The following KIF27 variants were observed in gnomAD, a reference collection of about 807,000 sequenced individuals.
KIF27 encodes the protein kinesin family member 27, also known as kinesin-like protein KIF27.
Under a neutral mutation model 141.8 loss-of-function variants are expected in KIF27, and 84 were observed. The observed-to-expected ratio is 0.59, with a 90% CI of 0.50 to 0.71. The LOEUF (loss-of-function observed/expected upper bound fraction) is 0.71. Among genes scored for constraint, KIF27 ranks in the 30% least tolerant of loss-of-function variants. KIF27 has a pLI of 0.00. For missense variants in KIF27, 1,306 were observed against 1,628.4 expected (o/e 0.80, Z 3.41); for synonymous variants, 471 against 569.5 (o/e 0.83, Z 2.46).
intron 15 of KIF27, among the ~76,000 whole-genome samples, chr9:83,851,844 C>A (rs1460618940): frequency 6.6e-6 from 1 of 152,116 alleles, no homozygotes; most frequent in African/African-American, 2.4e-5. Flanking sequence ...AAGAGTAGCA[C>A]AAGGGCCAGG....
chr9:83,842,942 C>G (rs1182194730), intron 16 of KIF27, among the ~76,000 whole-genome samples: 1 of 152,102 alleles, frequency 6.6e-6, no homozygotes, highest in African/African-American at 2.4e-5. Flanking sequence ...CCCTACCAAC[C>G]CTCACACTTT....
At chr9:83,916,614 T>TA (rs1371720100) in intron 1 of KIF27, among the ~76,000 whole-genome samples, 4 of 151,838 alleles carry the variant, frequency 2.6e-5, no homozygotes, top group African/African-American at 9.7e-5. Flanking sequence ...GTTTCCTGGC[T>TA]AAAAATATAT....
At chr9:83,900,028 C>T (rs989287956) in intron 4 of KIF27, among the ~76,000 whole-genome samples, 10 of 152,140 alleles carry the variant, frequency 6.6e-5, no homozygotes, top group African/African-American at 2.4e-4. Context: ...AGAAGATTTT[C>T]CTGATTTTTA....
chr9:83,888,556 A>T lies in KIF27; in HGVS notation c.2016T>A (p.Ser672=). 6.3e-7 allele frequency: 1 copy of T among 1,599,872 alleles called. No individual in the cohort carries two copies. The highest frequency in any genetic ancestry group is 8.5e-7 in the Non-Finnish European group (1 of 1,172,420). ...CACTCAATTCAACAAGGGAACAAACAGAGTCTGGCTTCTGAATCCATGAAC... is the reference window on the plus strand; with the variant it reads ...CACTCAATTCAACAAGGGAACAAACTGAGTCTGGCTTCTGAATCCATGAAC... ...RSRSWIQKPD[S]VCSLVELSDT... is the part of the protein sequence containing the mutation. The change falls in exon 8 of 18, where the codon TCT becomes TCA. Residue 672 remains serine (S), a synonymous_variant. Transcript: ENST00000297814.
At chr9:83,872,937 A>G (rs1236292241) in intron 11 of KIF27, among the ~76,000 whole-genome samples, 1 of 152,188 alleles carries the variant, frequency 6.6e-6, no homozygotes. Flanking sequence ...GCAGAGAGGT[A>G]CGATTAGGAA....
chr9:83,858,628 G>GTAAC (rs1257346690), intron 14 of KIF27: 2 of 153,054 alleles, frequency 1.3e-5, no homozygotes, highest in African/African-American at 2.4e-5. Context: ...TAAAAAAACT[G>GTAAC]TATAACTAAA....
At chr9:83,870,757 C>A in intron 11 of KIF27, 125 bp from the exon 12 acceptor site, 12 of 1,414,022 alleles carry the variant, frequency 8.5e-6, no homozygotes, top group Non-Finnish European at 1.1e-5. Flanking sequence ...GTCACCCAGG[C>A]TGGAGTGCAG....
intron 2 of KIF27, among the ~76,000 whole-genome samples, chr9:83,910,453 T>A (rs1955030855): frequency 1.3e-5 from 2 of 152,118 alleles, no homozygotes; most frequent in Admixed American, 6.6e-5. Context: ...GAATGCTTTT[T>A]AAAAAAAATT....
Position 83,889,460 on chromosome 9 carries a change from C to T in KIF27, c.1810-207G>A, listed in dbSNP as rs2780179. Among the ~76,000 whole-genome samples the T allele has an allele frequency of 1.9e-3, 293 of 152,172 alleles. 2 individuals carry two copies. The highest frequency in any genetic ancestry group is 6.2e-3 in the African/African-American group (257 of 41,456). ...ACAGACAAATACTTCTTTCAGAATC[C>T]ACACAGCTCCTTCTCTTCTGGACAA... On this transcript the variant is annotated intron_variant, in intron 6 of 17. Transcript: ENST00000297814.
chr9:83,904,046 G>A (rs753009298), intron 3 of KIF27, 28 bp from the exon 4 acceptor site: 13 of 1,536,196 alleles, frequency 8.5e-6, no homozygotes, highest in Non-Finnish European at 1.1e-5. Flanking sequence ...ATGTTTTTAA[G>A]CCAAGTTTTC....
chr9:83,915,215 T>C, intron 2 of KIF27, 79 bp downstream of exon 2: 3 of 1,161,824 alleles, frequency 2.6e-6, no homozygotes, highest in Non-Finnish European at 1.2e-6. Flanking sequence ...GCTAAACACC[T>C]ACCATGTGTC....
intron 17 of KIF27, among the ~76,000 whole-genome samples, chr9:83,839,778 A>C (rs1471240256): frequency 6.6e-6 from 1 of 152,040 alleles, no homozygotes; most frequent in Non-Finnish European, 1.5e-5. Context: ...CATGGTCTCT[A>C]CTAAAAATAC....
chr9:83,888,941 T>G, intron 7 of KIF27, 143 bp downstream of exon 7: 1 of 888,014 alleles, frequency 1.1e-6, no homozygotes, highest in South Asian at 2.6e-5. Context: ...TCATAACACA[T>G]TAGATGATAG....
At position 83,904,038 on chromosome 9, in the gene KIF27, GT is replaced by G; in HGVS notation, c.500-21del. The G allele has an allele frequency of 6.5e-7, 1 of 1,547,318 alleles. No homozygotes were observed. Among genetic ancestry groups the G allele is most frequent in the Non-Finnish European group, 8.7e-7 (1 of 1,143,960 alleles). ...CAATCACTTAAAATAGTAATAACAT[GT>G]TTTTAAGCCAAGTTTTCATCAAAAC... On this transcript the variant is annotated intron_variant, in intron 3 of 17. Coordinates refer to ENST00000297814, the MANE Select transcript of KIF27 (RefSeq NM_017576.4).
At position 83,837,141 on chromosome 9, in the gene KIF27, C is replaced by T; in HGVS notation, c.4066G>A (p.Val1356Ile). The change falls in exon 18 of 18, where the codon GTA (valine) becomes ATA (isoleucine). Residue 1356 changes from valine to isoleucine, a missense_variant. By Grantham distance (29) the Val-to-Ile change is conservative. This residue lies in a region of KIF27 where 148 missense variants were observed against 250.9 expected (regional missense o/e 0.59). Transcript: ENST00000297814. ...CGTAATTCTTTTCGACACAGTTTTA[C>T]AGGTGTGACACCATGAAGTCGTCCC... ...NVGRLHGVTP[V>I]KLCRKELRQI... is the part of the protein sequence containing the mutation. The T allele has an allele frequency of 6.2e-7, 1 of 1,614,072 alleles. No individual in the cohort carries two copies. Among genetic ancestry groups the T allele is most frequent in the Non-Finnish European group, 8.5e-7 (1 of 1,179,974 alleles).
chr9:83,861,328 C>G (rs933510191), intron 13 of KIF27, among the ~76,000 whole-genome samples: 46 of 152,126 alleles, frequency 3.0e-4, no homozygotes, highest in Middle Eastern at 3.4e-3. Flanking sequence ...ATCCCTCCCC[C>G]CTTCCCCCAC....
intron 11 of KIF27, among the ~76,000 whole-genome samples, chr9:83,878,147 G>T (rs1951357519): frequency 9.2e-6 from 1 of 108,962 alleles, no homozygotes; most frequent in Admixed American, 1.4e-4. Flanking sequence ...CTGGGCAACA[G>T]AGAGACTCTG....
rs551516645 is a variant in KIF27, at chr9:83,858,728, GAATT to G, written c.3150+424_3150+427del. The G allele has an allele frequency of 2.0e-4, 33 of 167,008 alleles. No individual in the cohort carries two copies. In the South Asian group the frequency reaches 5.5e-3, roughly 28 times the overall value. 10.3% of individuals were successfully genotyped at this position (167,008 alleles called of 1,614,324 possible). On this transcript the variant is annotated intron_variant, in intron 14 of 17. Transcript: ENST00000297814. ...CTTCTAAACCAAGGTTTCATGGAAA[GAATT>G]AACCCCTAATTCCTTAGGCATCTCT...
intron 13 of KIF27, among the ~76,000 whole-genome samples, chr9:83,867,082 C>T (rs1273351969): frequency 6.6e-6 from 1 of 151,656 alleles, no homozygotes; most frequent in African/African-American, 2.4e-5. Flanking sequence ...ATTCTGGAGA[C>T]TTGATACAAA....
Sources: allele counts gnomAD v4.1 joint callset (sites outside exome capture counted in the v4.1 genomes callset), GRCh38; gene constraint gnomAD v4.1.1; regional missense constraint gnomAD v4.1.1; transcripts MANE v1.5; gene names NCBI Gene and HGNC (gene_info 2026-07-23, HGNC 2026-07-21).